AGK: variants seen among roughly 807,000 people sequenced by gnomAD.
The protein encoded by AGK is acylglycerol kinase, mitochondrial.
Under a neutral mutation model 66.4 loss-of-function variants are expected in AGK, and 52 were observed. That is an observed-to-expected ratio of 0.78 (90% CI 0.63 to 0.99). The LOEUF (loss-of-function observed/expected upper bound fraction) is 0.99. AGK is among the 50% of genes least tolerant of loss of function. The pLI is 0.00. For synonymous variants in AGK, 182 were observed against 181.1 expected (o/e 1.00, Z -0.04); for missense variants, 451 against 506.6 (o/e 0.89, Z 1.05).
chr7:141,620,856 TC>T (rs1430966055), intron 8 of AGK, among the ~76,000 whole-genome samples: 3 of 152,158 alleles, frequency 2.0e-5, no homozygotes, highest in Non-Finnish European at 4.4e-5. Flanking sequence ...ACAAGGCCTG[TC>T]CTCAGGAGAA....
intron 2 of AGK, among the ~76,000 whole-genome samples, chr7:141,568,189 G>A (rs1447750001): frequency 7.9e-5 from 12 of 152,088 alleles, no homozygotes; most frequent in African/African-American, 2.9e-4. Flanking sequence ...TATTTATTTC[G>A]CCTTTCATAT....
intron 7 of AGK, among the ~76,000 whole-genome samples, chr7:141,614,812 T>C (rs1796672758): frequency 6.6e-6 from 1 of 152,182 alleles, no homozygotes; most frequent in Admixed American, 6.5e-5. Context: ...AAAAGGTAAA[T>C]GTTAACATTT....
intron 5 of AGK, among the ~76,000 whole-genome samples, chr7:141,607,863 C>T (rs1290977315): frequency 6.6e-6 from 1 of 151,846 alleles, no homozygotes; most frequent in Non-Finnish European, 1.5e-5. Flanking sequence ...TATCCTTCCT[C>T]TTTTAGTGCA....
intron 13 of AGK, among the ~76,000 whole-genome samples, chr7:141,646,907 A>G (rs1797424525): frequency 6.6e-6 from 1 of 152,156 alleles, no homozygotes; most frequent in Non-Finnish European, 1.5e-5. Flanking sequence ...ACCCTGTTCT[A>G]GCTGAAGTGT....
chr7:141,617,146 G>C (rs1179004307), intron 8 of AGK, among the ~76,000 whole-genome samples: 2 of 152,020 alleles, frequency 1.3e-5, no homozygotes, highest in African/African-American at 4.8e-5. Flanking sequence ...GGTTACATTA[G>C]AGAGCTTGTC....
intron 2 of AGK, among the ~76,000 whole-genome samples, chr7:141,563,760 C>T (rs1165199432): frequency 2.0e-5 from 3 of 152,198 alleles, no homozygotes; most frequent in African/African-American, 7.2e-5. Context: ...TACTTCTGCT[C>T]TTCAGTGTTA....
intron 5 of AGK, among the ~76,000 whole-genome samples, chr7:141,603,795 C>T (rs1796391472): frequency 6.6e-6 from 1 of 152,168 alleles, no homozygotes; most frequent in Non-Finnish European, 1.5e-5. Context: ...CATGTTGTCT[C>T]CACTATGTAT....
intron 2 of AGK, among the ~76,000 whole-genome samples, chr7:141,570,617 A>G (rs905151635): frequency 6.6e-6 from 1 of 151,716 alleles, no homozygotes; most frequent in East Asian, 1.9e-4. Flanking sequence ...TGTTTCATCT[A>G]TGTCCTCTAC....
chr7:141,561,352 T>C (rs1184011357), intron 2 of AGK, among the ~76,000 whole-genome samples: 2 of 152,222 alleles, frequency 1.3e-5, no homozygotes, highest in Non-Finnish European at 2.9e-5. Context: ...CCATACTGTT[T>C]TCCATAGTGG....
intron 2 of AGK, among the ~76,000 whole-genome samples, chr7:141,574,433 T>C (rs894489281): frequency 6.6e-6 from 1 of 152,088 alleles, no homozygotes; most frequent in African/African-American, 2.4e-5. Flanking sequence ...GGAACAGAAA[T>C]TGATATCTCG....
chr7:141,569,582 T>C (rs1587070932), intron 2 of AGK, among the ~76,000 whole-genome samples: 1 of 152,196 alleles, frequency 6.6e-6, no homozygotes, highest in Non-Finnish European at 1.5e-5. Flanking sequence ...TAATCAGTGA[T>C]TGCCATGTGC....
rs1053771190 is a variant in AGK at position 141,594,491 on chromosome 7, CCTTT to C, written c.141+1313_141+1316del. Among the ~76,000 whole-genome samples, 9 of 150,954 alleles carry C rather than the reference CCTTT, an allele frequency of 6.0e-5. No individual in the cohort carries two copies. The East Asian group carries it at 1.8e-3, about 30-fold the overall frequency. ...CAGGTGTGAGCCACCACACCTGGCCCCTTTCTTTCTCTCTTTAAGGAAGAGTAGA... is the reference window on the plus strand; with the variant it reads ...CAGGTGTGAGCCACCACACCTGGCCCCTTTCTCTCTTTAAGGAAGAGTAGA... On this transcript the variant is annotated intron_variant, in intron 3 of 15. Transcript: ENST00000649286.
chr7:141,611,127 C>T (rs777589677), intron 5 of AGK, 68 bp from the exon 6 acceptor site: 57 of 983,358 alleles, frequency 5.8e-5, no homozygotes, highest in Middle Eastern at 2.2e-4. Flanking sequence ...AGATATCCCA[C>T]ATTTTTAAAC....
chr7:141,596,535 T>C, intron 3 of AGK, 27 bp from the exon 4 acceptor site: 1 of 1,601,964 alleles, frequency 6.2e-7, no homozygotes, highest in Non-Finnish European at 8.6e-7. Context: ...GGACTTTTAC[T>C]GAAAACTTTG....
intron 14 of AGK, chr7:141,650,506 A>G (rs1348125814): frequency 3.0e-6 from 3 of 985,330 alleles, no homozygotes; most frequent in Non-Finnish European, 3.6e-6. Flanking sequence ...TTTCCTCTGG[A>G]TATCTGAAGA....
intron 2 of AGK, among the ~76,000 whole-genome samples, chr7:141,564,531 A>T (rs116519105): frequency 3.3e-5 from 5 of 152,132 alleles, no homozygotes; most frequent in African/African-American, 1.2e-4. Flanking sequence ...GTTACCTTCC[A>T]TTGGGCCCCT....
At chr7:141,560,573 C>T (rs536626292) in intron 2 of AGK, among the ~76,000 whole-genome samples, 1 of 152,010 alleles carries the variant, frequency 6.6e-6, no homozygotes, top group Non-Finnish European at 1.5e-5. Context: ...ACCCGAGCAG[C>T]GTACACTGTA....
intron 13 of AGK, among the ~76,000 whole-genome samples, chr7:141,643,879 G>A (rs909441102): frequency 2.6e-5 from 4 of 152,090 alleles, no homozygotes; most frequent in Non-Finnish European, 4.4e-5. Context: ...GTGGTGGTGT[G>A]TGTTTCTGAT....
intron 2 of AGK, among the ~76,000 whole-genome samples, chr7:141,587,911 A>G (rs1796027115): frequency 6.6e-6 from 1 of 152,224 alleles, no homozygotes; most frequent in Admixed American, 6.5e-5. Flanking sequence ...ATGTTTTACT[A>G]TGCCACCAAT....
Sources: allele counts gnomAD v4.1 joint callset (sites outside exome capture counted in the v4.1 genomes callset), GRCh38; gene constraint gnomAD v4.1.1; transcripts MANE v1.5; gene names NCBI Gene and HGNC (gene_info 2026-07-23, HGNC 2026-07-21).